ALCAM: variants seen among roughly 807,000 people sequenced by gnomAD.
ALCAM encodes the protein CD166 antigen.
A neutral mutation model predicts 70.9 loss-of-function variants in ALCAM; 30 were observed. That is an observed-to-expected ratio of 0.42 (90% CI 0.32 to 0.57). The LOEUF (loss-of-function observed/expected upper bound fraction) is 0.57. Ranked by LOEUF, ALCAM falls within the 20% of genes least tolerant of loss-of-function variation. The probability of loss-of-function intolerance (pLI) is 0.11; values close to 1 mark genes in which losing one functional copy is unlikely to be tolerated. For missense variants in ALCAM, 591 were observed against 695.1 expected, an observed-to-expected ratio of 0.85 and a Z score of 1.68; for synonymous variants, 249 against 242.5, an observed-to-expected ratio of 1.03 and a Z score of -0.25.
At position 105,414,852 on chromosome 3, in the gene ALCAM, A is replaced by T. The variant is rs139002514; in HGVS notation, c.73+47371A>T. ...TTTGACCAAGGAAATGAAAAAACCC[A>T]ATTTTTATTTGAGAAAGATAACCCT... On this transcript the variant is annotated intron_variant, in intron 1 of 15. Coordinates refer to ENST00000306107, the MANE Select transcript of ALCAM (RefSeq NM_001627.4). 3.9e-3 allele frequency among the ~76,000 whole-genome samples: 600 copies of T among 152,212 alleles called. 5 individuals are homozygous for T. Among genetic ancestry groups the T allele is most frequent in the African/African-American group, 0.014 (570 of 41,560 alleles).
chr3:105,368,161 G>T (rs1305084669), intron 1 of ALCAM, among the ~76,000 whole-genome samples: 1 of 146,306 alleles, frequency 6.8e-6, no homozygotes, highest in Non-Finnish European at 1.5e-5. Flanking sequence ...TCAGTGAGAG[G>T]TTTGTGAATT....
intron 1 of ALCAM, among the ~76,000 whole-genome samples, chr3:105,484,208 A>G (rs892621016): frequency 2.6e-5 from 4 of 151,422 alleles, no homozygotes; most frequent in African/African-American, 9.7e-5. Context: ...AAATAGTACA[A>G]CTAGGAAAGT....
intron 1 of ALCAM, among the ~76,000 whole-genome samples, chr3:105,387,884 G>A (rs557133927): frequency 6.6e-6 from 1 of 151,548 alleles, no homozygotes; most frequent in Non-Finnish European, 1.5e-5. Context: ...GTGTGGTTGT[G>A]AGACTTTATT....
At chr3:105,379,737 A>G (rs1246247151) in intron 1 of ALCAM, among the ~76,000 whole-genome samples, 2 of 151,822 alleles carry the variant, frequency 1.3e-5, no homozygotes, top group African/African-American at 4.8e-5. Flanking sequence ...TCCATTTATT[A>G]TGATTTTCCA....
intron 1 of ALCAM, among the ~76,000 whole-genome samples, chr3:105,415,603 A>G (rs1936488299): frequency 1.3e-5 from 2 of 152,152 alleles, no homozygotes. Context: ...CAAATTGGTC[A>G]CACATAAATT....
chr3:105,484,299 TA>T (rs981261231), intron 1 of ALCAM, among the ~76,000 whole-genome samples: 1 of 149,494 alleles, frequency 6.7e-6, no homozygotes, highest in African/African-American at 2.4e-5. Flanking sequence ...ATTTTAGTTA[TA>T]TATATATATT....
At chr3:105,420,789 G>T (rs748831716) in intron 1 of ALCAM, among the ~76,000 whole-genome samples, 2 of 151,544 alleles carry the variant, frequency 1.3e-5, no homozygotes, top group African/African-American at 2.4e-5. Flanking sequence ...CACAGAGATT[G>T]AGGGTTATAA....
chr3:105,446,506 G>C (rs1011400899), intron 1 of ALCAM, among the ~76,000 whole-genome samples: 3 of 152,034 alleles, frequency 2.0e-5, no homozygotes, highest in Admixed American at 2.0e-4. Context: ...ATGTTGAAGA[G>C]ATAGCTGCAC....
chr3:105,481,761 A>G (rs1938277356), intron 1 of ALCAM, among the ~76,000 whole-genome samples: 1 of 152,128 alleles, frequency 6.6e-6, no homozygotes. Context: ...GAGGAAAAGA[A>G]ATAAGTCTAA....
chr3:105,485,077 AT>A (rs1938387867), intron 1 of ALCAM, among the ~76,000 whole-genome samples: 1 of 152,108 alleles, frequency 6.6e-6, no homozygotes, highest in African/African-American at 2.4e-5. Flanking sequence ...TATCTATCAA[AT>A]CTCGAATTAT....
chr3:105,502,138 C>T (rs184355434), intron 1 of ALCAM, among the ~76,000 whole-genome samples: 2 of 152,254 alleles, frequency 1.3e-5, no homozygotes, highest in African/African-American at 2.4e-5. Context: ...TGCTTTTTCT[C>T]ATATTGGAGA....
intron 1 of ALCAM, among the ~76,000 whole-genome samples, chr3:105,518,368 A>T (rs1939436570): frequency 6.6e-6 from 1 of 152,136 alleles, no homozygotes. Context: ...AAATTACAAA[A>T]TGGTTTCCTT....
intron 1 of ALCAM, among the ~76,000 whole-genome samples, chr3:105,517,917 A>G (rs1040487682): frequency 9.9e-5 from 15 of 152,110 alleles, no homozygotes; most frequent in African/African-American, 3.6e-4. Flanking sequence ...CTGGAGATAC[A>G]AAGCTTAAAA....
chr3:105,442,609 A>G (rs1488380331), intron 1 of ALCAM, among the ~76,000 whole-genome samples: 1 of 151,838 alleles, frequency 6.6e-6, no homozygotes, highest in African/African-American at 2.4e-5. Flanking sequence ...GTGAAACCCC[A>G]TCTCTACTAA....
chr3:105,549,212 G>A (rs1366800328), intron 11 of ALCAM, among the ~76,000 whole-genome samples: 1 of 151,332 alleles, frequency 6.6e-6, no homozygotes, highest in Non-Finnish European at 1.5e-5. Context: ...CTTGTTCTGG[G>A]ATTTGTGCTG....
intron 11 of ALCAM, among the ~76,000 whole-genome samples, chr3:105,548,303 A>G (rs557915599): frequency 1.1e-4 from 17 of 151,400 alleles, no homozygotes; most frequent in Non-Finnish European, 1.9e-4. Flanking sequence ...TTGCTGACAT[A>G]CTTGCTAATT....
intron 1 of ALCAM, among the ~76,000 whole-genome samples, chr3:105,486,557 T>A (rs1938433206): frequency 6.6e-6 from 1 of 152,152 alleles, no homozygotes; most frequent in South Asian, 2.1e-4. Context: ...TTAGCTTTTG[T>A]TTTTAAAAAG....
intron 7 of ALCAM, among the ~76,000 whole-genome samples, chr3:105,541,417 A>G (rs2152629236): frequency 6.6e-6 from 1 of 152,134 alleles, no homozygotes; most frequent in African/African-American, 2.4e-5. Context: ...TCATCAATAG[A>G]AAATAAATCA....
At chr3:105,502,385 G>A (rs1052021949) in intron 1 of ALCAM, among the ~76,000 whole-genome samples, 3 of 152,158 alleles carry the variant, frequency 2.0e-5, no homozygotes, top group African/African-American at 7.2e-5. Context: ...AGCATTGTAA[G>A]AATGAAGACC....
Sources: allele counts gnomAD v4.1 joint callset (sites outside exome capture counted in the v4.1 genomes callset), GRCh38; gene constraint gnomAD v4.1.1; transcripts MANE v1.5; gene names NCBI Gene and HGNC (gene_info 2026-07-23, HGNC 2026-07-21).